The following PGPEP1L variants were observed in gnomAD, a reference collection of about 807,000 sequenced individuals.
The protein encoded by PGPEP1L is pyroglutamyl-peptidase I like, also known as pyroglutamyl-peptidase 1-like protein.
Under a neutral mutation model 6.0 loss-of-function variants are expected in PGPEP1L, and 7 were observed. The observed-to-expected ratio is 1.17, with a 90% CI of 0.66 to 2.19. The LOEUF is 2.19. PGPEP1L is among the 30% of genes most tolerant of loss of function. PGPEP1L has a pLI of 0.00. For missense variants in PGPEP1L, 209 were observed against 192.5 expected, an observed-to-expected ratio of 1.09 and a Z score of -0.51; for synonymous variants, 103 against 83.9, an observed-to-expected ratio of 1.23 and a Z score of -1.24.
At chr15:98,975,509 A>T (rs2017555517) in intron 2 of PGPEP1L, among the ~76,000 whole-genome samples, 1 of 152,224 alleles carries the variant, frequency 6.6e-6, no homozygotes, top group African/African-American at 2.4e-5. Flanking sequence ...GTTTGAGATG[A>T]TGGATATCCT....
intron 2 of PGPEP1L, among the ~76,000 whole-genome samples, chr15:98,999,509 GGGAAATA>G (rs1299338427): frequency 2.6e-5 from 4 of 152,174 alleles, no homozygotes; most frequent in Admixed American, 2.6e-4. Context: ...CTGTTGCTCC[GGGAAATA>G]GTTTGACAAT....
Position 98,968,338 on chromosome 15 carries a change from TTG to T in PGPEP1L, c.*138_*139del. 1 of 790,160 alleles carries T rather than the reference TTG, an allele frequency of 1.3e-6. No homozygotes were observed. Among genetic ancestry groups the T allele is most frequent in the Non-Finnish European group, 2.0e-6 (1 of 492,588 alleles). 48.9% of individuals were successfully genotyped at this position (790,160 alleles called of 1,614,324 possible). On this transcript the variant is annotated 3_prime_UTR_variant, in exon 5 of 5. Coordinates refer to ENST00000535714, the MANE Select transcript of PGPEP1L (RefSeq NM_001167902.2). ...TTTCTCCTGACAATAAAATAACCCTTTGTGATTTTGTTGGGCTAATTCAGAGT... is the reference window on the plus strand; with the variant it reads ...TTTCTCCTGACAATAAAATAACCCTTTGATTTTGTTGGGCTAATTCAGAGT...
intron 2 of PGPEP1L, among the ~76,000 whole-genome samples, chr15:98,987,098 C>T (rs1245879021): frequency 8.1e-5 from 10 of 123,408 alleles, no homozygotes; most frequent in African/African-American, 1.2e-4. Flanking sequence ...ACCCGGGAGG[C>T]GAGGTTGCAA....
intron 2 of PGPEP1L, among the ~76,000 whole-genome samples, chr15:98,985,549 A>C (rs1350357485): frequency 1.3e-5 from 2 of 152,152 alleles, no homozygotes; most frequent in Admixed American, 6.5e-5. Context: ...AAACAAACAA[A>C]CAAACAACCA....
rs527493927 is a variant in PGPEP1L at position 98,986,243 on chromosome 15, C to T, written c.-141-15085G>A. Among the ~76,000 whole-genome samples, 5 of 152,094 alleles carry T rather than the reference C, an allele frequency of 3.3e-5. No homozygotes were observed. In the South Asian group the frequency reaches 8.3e-4, roughly 25 times the overall value. On this transcript the variant is annotated intron_variant, in intron 2 of 4. Transcript: ENST00000535714. ...GGGAATGAGGTGACTCATGTGGGCCCCTAAATAGCTTCAGGATGGGATCTG... is the reference window on the plus strand; with the variant it reads ...GGGAATGAGGTGACTCATGTGGGCCTCTAAATAGCTTCAGGATGGGATCTG...
At chr15:98,992,542 A>C (rs2017833502) in intron 2 of PGPEP1L, among the ~76,000 whole-genome samples, 1 of 152,234 alleles carries the variant, frequency 6.6e-6, no homozygotes, top group South Asian at 2.1e-4. Context: ...TTATACATTC[A>C]ATGCTATCCC....
chr15:98,998,894 G>A (rs566581467), intron 2 of PGPEP1L, among the ~76,000 whole-genome samples: 1 of 152,214 alleles, frequency 6.6e-6, no homozygotes, highest in Non-Finnish European at 1.5e-5. Flanking sequence ...AGAATCGCTT[G>A]AACCCGGAAG....
rs567017348 is a variant in PGPEP1L at position 98,969,341 on chromosome 15, G to A, written c.209+84C>T. 294 of 1,548,964 alleles carry A rather than the reference G, an allele frequency of 1.9e-4. 8 individuals carry two copies. In the South Asian group the frequency reaches 3.1e-3, roughly 16 times the overall value. On this transcript the variant is annotated intron_variant, in intron 4 of 4. Coordinates refer to ENST00000535714, the MANE Select transcript of PGPEP1L (RefSeq NM_001167902.2). Reference sequence around the variant, plus strand: ...CCAAGTGGCCAGCTGGACGATACAGGATGGCTTCTTGGAGGTCGGGGGGAC... The same window carrying A: ...CCAAGTGGCCAGCTGGACGATACAGAATGGCTTCTTGGAGGTCGGGGGGAC...
chr15:99,003,325 T>C (rs1567245082), intron 2 of PGPEP1L, among the ~76,000 whole-genome samples: 1 of 151,616 alleles, frequency 6.6e-6, no homozygotes, highest in Non-Finnish European at 1.5e-5. Context: ...TCAGCAAATA[T>C]GACATCTCTT....
Position 99,007,569 on chromosome 15 carries a change from T to TGAGTGAAGCTACGGACCTTCAC in PGPEP1L, c.-581_-580insGTGAAGGTCCGTAGCTTCACTC, listed in dbSNP as rs1567247728. On this transcript the variant is annotated 5_prime_UTR_variant, in exon 1 of 5. The change creates a premature stop within an existing upstream ORF in the 5' untranslated region. Coordinates refer to ENST00000535714, the MANE Select transcript of PGPEP1L (RefSeq NM_001167902.2). Reference sequence around the variant, plus strand: ...TCAGGAGTGAAGCTACGGACCTTCATCATGAGTGCTACGGCTCTTAAGGTG... The same window carrying TGAGTGAAGCTACGGACCTTCAC: ...TCAGGAGTGAAGCTACGGACCTTCATGAGTGAAGCTACGGACCTTCACCATGAGTGCTACGGCTCTTAAGGTG... 9.2e-5 allele frequency: 14 copies of TGAGTGAAGCTACGGACCTTCAC among 152,100 alleles called. No homozygotes were observed. The highest frequency in any genetic ancestry group is 3.4e-4 in the African/African-American group (14 of 41,458). The allele number at this position is 152,100 out of a possible 1,614,324, so 9.4% of individuals were successfully genotyped here.
chr15:98,974,154 G>A (rs1475079039), intron 2 of PGPEP1L, among the ~76,000 whole-genome samples: 8 of 152,150 alleles, frequency 5.3e-5, no homozygotes, highest in African/African-American at 1.7e-4. Flanking sequence ...GCCAAGGTGG[G>A]CAGATCACTT....
intron 2 of PGPEP1L, among the ~76,000 whole-genome samples, chr15:98,978,780 A>T (rs1405139437): frequency 7.4e-6 from 1 of 134,678 alleles, no homozygotes; most frequent in East Asian, 2.1e-4. Context: ...ACCAGGCTGG[A>T]GTGCGGTGGC....
intron 2 of PGPEP1L, among the ~76,000 whole-genome samples, chr15:98,987,197 A>G (rs1555471596): frequency 7.2e-6 from 1 of 138,350 alleles, no homozygotes; most frequent in Non-Finnish European, 1.6e-5. Flanking sequence ...AAAAAAAAAG[A>G]GAGCCAATTT....
At chr15:99,003,064 T>C (rs1555473237) in intron 2 of PGPEP1L, among the ~76,000 whole-genome samples, 1 of 151,938 alleles carries the variant, frequency 6.6e-6, no homozygotes, top group Non-Finnish European at 1.5e-5. Flanking sequence ...TCTGAGGGAA[T>C]GAAACAGTTT....
At chr15:98,979,653 T>C (rs1293536963) in intron 2 of PGPEP1L, among the ~76,000 whole-genome samples, 2 of 76,408 alleles carry the variant, frequency 2.6e-5, no homozygotes, top group African/African-American at 1.0e-4. Flanking sequence ...TTTTTTTTTT[T>C]TTTTTTTTTT....
At chr15:98,984,567 A>C (rs1272242304) in intron 2 of PGPEP1L, among the ~76,000 whole-genome samples, 1 of 152,132 alleles carries the variant, frequency 6.6e-6, no homozygotes, top group African/African-American at 2.4e-5. Flanking sequence ...ATATCCGTGT[A>C]ATGGGTCAAA....
intron 2 of PGPEP1L, among the ~76,000 whole-genome samples, chr15:98,986,308 C>G (rs570918994): frequency 6.6e-6 from 1 of 152,300 alleles, no homozygotes; most frequent in South Asian, 2.1e-4. Flanking sequence ...GAGAGTTAGG[C>G]TTTCTGGTAC....
Position 98,968,344 on chromosome 15 carries a change from T to C in PGPEP1L, c.*134A>G, listed in dbSNP as rs528378872. 8.3e-5 allele frequency: 71 copies of C among 851,260 alleles called. No homozygotes were observed. The highest frequency in any genetic ancestry group is 1.2e-4 in the Non-Finnish European group (64 of 546,658). 52.7% of individuals were successfully genotyped at this position (851,260 alleles called of 1,614,324 possible). A position where few individuals can be genotyped will look rare whatever the true frequency, so the allele number is the denominator to read the frequency against. ...CTGACAATAAAATAACCCTTTGTGA[T>C]TTTGTTGGGCTAATTCAGAGTTTTC... On this transcript the variant is annotated 3_prime_UTR_variant, in exon 5 of 5. Coordinates refer to ENST00000535714, the MANE Select transcript of PGPEP1L (RefSeq NM_001167902.2).
intron 3 of PGPEP1L, among the ~76,000 whole-genome samples, chr15:98,970,296 G>A (rs920416381): frequency 9.9e-5 from 15 of 152,196 alleles, no homozygotes; most frequent in East Asian, 1.9e-4. Context: ...CGCCTGCCTC[G>A]GCCTCCCAAA....
Sources: allele counts gnomAD v4.1 joint callset (sites outside exome capture counted in the v4.1 genomes callset), GRCh38; gene constraint gnomAD v4.1.1; transcripts MANE v1.5; gene names NCBI Gene and HGNC (gene_info 2026-07-23, HGNC 2026-07-21).